Variants in RALYL observed in about 807,000 individuals in gnomAD.
RALYL encodes RNA-binding Raly-like protein.
In RALYL, 29 loss-of-function variants were observed where a neutral mutation model predicts 35.1. That is an observed-to-expected ratio of 0.83 (90% CI 0.61 to 1.13). The LOEUF (loss-of-function observed/expected upper bound fraction) is 1.13, where lower values mean the gene tolerates loss of function less well. Among genes scored for constraint, RALYL ranks in the 50% most tolerant of loss-of-function variants. The pLI is 0.00. For missense variants in RALYL, 359 were observed against 360.4 expected (o/e 1.00, Z 0.03); for synonymous variants, 120 against 127.6 (o/e 0.94, Z 0.40).
At chr8:84,358,403 T>C (rs1852288859) in intron 1 of RALYL, among the ~76,000 whole-genome samples, 1 of 152,028 alleles carries the variant, frequency 6.6e-6, no homozygotes, top group African/African-American at 2.4e-5. Context: ...ATTGTGTGTC[T>C]GTGTGTGTGC....
chr8:84,351,233 T>C (rs184546536), intron 1 of RALYL, among the ~76,000 whole-genome samples: 2 of 150,172 alleles, frequency 1.3e-5, no homozygotes, highest in Admixed American at 1.3e-4. Flanking sequence ...GTTAAGAATG[T>C]TCTAAACTGA....
At chr8:84,648,034 C>CCAA (rs1347135880) in intron 2 of RALYL, among the ~76,000 whole-genome samples, 2 of 151,982 alleles carry the variant, frequency 1.3e-5, no homozygotes, top group Non-Finnish European at 1.5e-5. Flanking sequence ...TTTTCAATGT[C>CCAA]CAGGTTTAAA....
At chr8:84,252,992 G>T (rs1008880645) in intron 1 of RALYL, among the ~76,000 whole-genome samples, 2 of 151,766 alleles carry the variant, frequency 1.3e-5, no homozygotes, top group Non-Finnish European at 2.9e-5. Context: ...TGTAGGTTTA[G>T]TTTTCTACAT....
At chr8:84,735,759 C>A (rs1008020060) in intron 2 of RALYL, among the ~76,000 whole-genome samples, 2 of 150,686 alleles carry the variant, frequency 1.3e-5, no homozygotes, top group Non-Finnish European at 2.9e-5. Context: ...GACGATTTTA[C>A]TATCAACTAT....
intron 1 of RALYL, among the ~76,000 whole-genome samples, chr8:84,222,098 G>A (rs10108169): frequency 0.68 from 103,320 of 151,886 alleles, 35,756 homozygotes; most frequent in African/African-American, 0.81. Flanking sequence ...CATTAATATC[G>A]GCTCCTTCAT....
At position 84,591,068 on chromosome 8, in the gene RALYL, G is replaced by A. The variant is rs16913014; in HGVS notation, c.256+61491G>A. On this transcript the variant is annotated intron_variant, in intron 2 of 8. Transcript: ENST00000521268. ...AGAAGCCTTGGACTTAGAACATGCC[G>A]AAAGCATTTGAGTGTATGGTGAAAT... Among the ~76,000 whole-genome samples, 1,403 of 152,210 alleles carry A rather than the reference G, an allele frequency of 9.2e-3. 19 individuals carry two copies. The highest frequency in any genetic ancestry group is 0.032 in the African/African-American group (1,325 of 41,520).
At chr8:84,340,671 G>A (rs899731013) in intron 1 of RALYL, among the ~76,000 whole-genome samples, 33 of 152,020 alleles carry the variant, frequency 2.2e-4, no homozygotes, top group Middle Eastern at 3.4e-3. Context: ...ATTTTAAGAC[G>A]AAAAAATCAA....
intron 2 of RALYL, among the ~76,000 whole-genome samples, chr8:84,686,733 A>G (rs1373684540): frequency 6.6e-6 from 1 of 152,148 alleles, no homozygotes; most frequent in East Asian, 1.9e-4. Context: ...TAAAAGTTTT[A>G]TCAAACATAT....
intron 2 of RALYL, among the ~76,000 whole-genome samples, chr8:84,660,924 TTTTA>T (rs1055148002): frequency 2.0e-5 from 3 of 151,908 alleles, no homozygotes; most frequent in Non-Finnish European, 2.9e-5. Context: ...TATTTGTTTA[TTTTA>T]TTTATTTATT....
chr8:84,731,093 A>G (rs912784940), intron 2 of RALYL, among the ~76,000 whole-genome samples: 1 of 152,090 alleles, frequency 6.6e-6, no homozygotes, highest in Admixed American at 6.6e-5. Context: ...ACTAACAACT[A>G]AGCCACTTGG....
chr8:84,322,022 A>T (rs944920986), intron 1 of RALYL, among the ~76,000 whole-genome samples: 7 of 152,128 alleles, frequency 4.6e-5, no homozygotes, highest in African/African-American at 1.7e-4. Flanking sequence ...AAAATATGTG[A>T]CAAAAAACCT....
At chr8:84,629,420 C>T (rs531254982) in intron 2 of RALYL, among the ~76,000 whole-genome samples, 16 of 152,088 alleles carry the variant, frequency 1.1e-4, no homozygotes, top group South Asian at 2.1e-4. Flanking sequence ...GGCATTCACC[C>T]TAGGAAAATA....
chr8:84,256,778 C>A (rs1268651665), intron 1 of RALYL, among the ~76,000 whole-genome samples: 1 of 152,050 alleles, frequency 6.6e-6, no homozygotes, highest in Non-Finnish European at 1.5e-5. Context: ...AACGGTCATG[C>A]TCACTTTCTA....
chr8:84,503,297 G>T (rs2056864319), intron 1 of RALYL, among the ~76,000 whole-genome samples: 1 of 150,984 alleles, frequency 6.6e-6, no homozygotes, highest in Non-Finnish European at 1.5e-5. Context: ...GGAACTACAG[G>T]CACACACCAC....
At chr8:84,575,260 A>T (rs1345237034) in intron 2 of RALYL, among the ~76,000 whole-genome samples, 1 of 152,210 alleles carries the variant, frequency 6.6e-6, no homozygotes, top group Non-Finnish European at 1.5e-5. Flanking sequence ...TAAACATAAA[A>T]CATAAACATA....
chr8:84,224,109 A>G (rs181053018), intron 1 of RALYL, among the ~76,000 whole-genome samples: 2 of 152,264 alleles, frequency 1.3e-5, no homozygotes, highest in East Asian at 3.9e-4. Flanking sequence ...AATGGTCCCT[A>G]CCGTTGGCAC....
chr8:84,245,149 A>C (rs946587476), intron 1 of RALYL, among the ~76,000 whole-genome samples: 1 of 152,174 alleles, frequency 6.6e-6, no homozygotes, highest in South Asian at 2.1e-4. Context: ...GAAGGGCAAC[A>C]TGATCCTCTG....
At chr8:84,351,625 C>G (rs1187286165) in intron 1 of RALYL, among the ~76,000 whole-genome samples, 1 of 147,474 alleles carries the variant, frequency 6.8e-6, no homozygotes, top group Non-Finnish European at 1.5e-5. Context: ...ATTGTTAATT[C>G]GATTTTTTTT....
In RALYL at chr8:84,514,140, AG is replaced by A. The variant is rs796710001; in HGVS notation, c.-23-15158del. Among the ~76,000 whole-genome samples the A allele has an allele frequency of 3.2e-5, 4 of 126,218 alleles. No individual in the cohort carries two copies. The South Asian group carries it at 9.0e-4, about 28-fold the overall frequency. 82.8% of individuals were successfully genotyped at this position (126,218 alleles called of 152,430 possible). On this transcript the variant is annotated intron_variant, in intron 1 of 8. Coordinates refer to ENST00000521268, the MANE Select transcript of RALYL (RefSeq NM_173848.7). The stretch of plus-strand genomic sequence containing the variant: ...AGAAAGAAAGAAAGAAAAAAAGAAA[AG>A]AAAGGAATACCTAAATACCTATGTT...
Sources: allele counts gnomAD v4.1 joint callset (sites outside exome capture counted in the v4.1 genomes callset), GRCh38; gene constraint gnomAD v4.1.1; transcripts MANE v1.5; gene names NCBI Gene and HGNC (gene_info 2026-07-23, HGNC 2026-07-21).